The following HACE1 variants were observed in gnomAD, a reference collection of about 807,000 sequenced individuals.
HACE1 encodes the protein E3 ubiquitin-protein ligase HACE1.
HACE1 carries 73 observed loss-of-function variants against 118.4 expected under a neutral mutation model. The observed-to-expected ratio is 0.62, with a 90% confidence interval of 0.51 to 0.75. HACE1 has a LOEUF of 0.75. Ranked by LOEUF, HACE1 falls within the 30% of genes least tolerant of loss-of-function variation. The probability of loss-of-function intolerance (pLI) is 0.00; values close to 1 mark genes in which losing one functional copy is unlikely to be tolerated. For missense variants in HACE1, 749 were observed against 1,102.2 expected, an observed-to-expected ratio of 0.68 and a Z score of 4.54; for synonymous variants, 368 against 374.8, an observed-to-expected ratio of 0.98 and a Z score of 0.21.
At position 104,834,646 on chromosome 6, in the gene HACE1, A is replaced by G. The variant is rs146858910; in HGVS notation, c.403-1473T>C. On this transcript the variant is annotated intron_variant, in intron 5 of 23. Coordinates refer to ENST00000262903, the MANE Select transcript of HACE1 (RefSeq NM_020771.4). ...CTAGATCCATAAAGATACAGAGGAG[A>G]GAACAGCAAGTTTTGGAAGCAAAGA... Among the ~76,000 whole-genome samples the G allele has an allele frequency of 1.1e-3, 171 of 152,344 alleles. 1 individual carries two copies. The highest frequency in any genetic ancestry group is 3.9e-3 in the African/African-American group (164 of 41,582).
intron 4 of HACE1, among the ~76,000 whole-genome samples, chr6:104,844,229 G>T (rs1397391725): frequency 6.6e-6 from 1 of 151,916 alleles, no homozygotes; most frequent in East Asian, 1.9e-4. Flanking sequence ...TAGAAACGGG[G>T]TTTCACCATG....
intron 11 of HACE1, chr6:104,786,404 T>C: frequency 2.8e-5 from 1 of 35,112 alleles, no homozygotes; most frequent in Non-Finnish European, 7.7e-5. Context: ...AACACCTTTC[T>C]ATTAAAAAAA....
intron 5 of HACE1, among the ~76,000 whole-genome samples, chr6:104,833,976 T>TC (rs1774269760): frequency 6.6e-6 from 1 of 151,904 alleles, no homozygotes; most frequent in African/African-American, 2.4e-5. Context: ...ACAGTAAGAC[T>TC]CCGTCTCAAA....
intron 6 of HACE1, among the ~76,000 whole-genome samples, chr6:104,813,048 C>T (rs56165461): frequency 0.25 from 25,841 of 105,052 alleles, 6,201 homozygotes; most frequent in African/African-American, 0.31. Context: ...TAAGTGAAAA[C>T]CTCCAGCCTC....
In HACE1 at chr6:104,798,248, A is replaced by G. The variant is rs149162205; in HGVS notation, c.618-1223T>C. ...GCTTCTAGACCTATACTCTTTCCACAATAACATTACCTAAAGAGGCATGTC... is the reference window on the plus strand; with the variant it reads ...GCTTCTAGACCTATACTCTTTCCACGATAACATTACCTAAAGAGGCATGTC... On this transcript the variant is annotated intron_variant, in intron 7 of 23. Transcript: ENST00000262903. 6.0e-3 allele frequency among the ~76,000 whole-genome samples: 919 copies of G among 152,232 alleles called. 9 individuals are homozygous for G. Among genetic ancestry groups the G allele is most frequent in the African/African-American group, 0.021 (867 of 41,544 alleles).
At chr6:104,783,655 G>C in intron 14 of HACE1, among the ~76,000 whole-genome samples, 1 of 152,184 alleles carries the variant, frequency 6.6e-6, no homozygotes, top group East Asian at 1.9e-4. Context: ...AAGGTGGTCA[G>C]GTCAAATAAG....
At position 104,744,193 on chromosome 6, in the gene HACE1, T is replaced by A; in HGVS notation, c.2480A>T (p.Glu827Val). 6.2e-7 allele frequency: 1 copy of A among 1,604,454 alleles called. No individual in the cohort carries two copies. Among genetic ancestry groups the A allele is most frequent in the Non-Finnish European group, 8.5e-7 (1 of 1,171,812 alleles). Residue 827 changes from glutamate (E) to valine (V), a missense_variant, in exon 22 of 24, where the codon GAG (glutamate) becomes GTG (valine). By Grantham distance (121) the Glu-to-Val change is moderately radical. This residue lies in a region of HACE1 where 165 missense variants were observed against 229.9 expected (regional missense o/e 0.72). Coordinates refer to ENST00000262903, the MANE Select transcript of HACE1 (RefSeq NM_020771.4). The part of the protein sequence containing the change: ...WEVVEDITQE[E>V]RVLLLQFVTG... ...AACAAACTGTAAGAGAAGAACTCTC[T>A]CCTCTTGAGTAATGTCTTCTACAAC...
chr6:104,771,508 C>T (rs1185994861), intron 18 of HACE1, 119 bp from the exon 19 acceptor site: 1 of 656,736 alleles, frequency 1.5e-6, no homozygotes, highest in Non-Finnish European at 2.7e-6. Flanking sequence ...TACAATCCTA[C>T]ACACAGCATA....
chr6:104,743,596 A>G (rs1422117293), intron 22 of HACE1, among the ~76,000 whole-genome samples: 1 of 151,962 alleles, frequency 6.6e-6, no homozygotes, highest in Admixed American at 6.6e-5. Context: ...CAGAAATACA[A>G]GCTAAAAGAT....
chr6:104,797,934 A>G (rs1198601297), intron 7 of HACE1, among the ~76,000 whole-genome samples: 3 of 151,840 alleles, frequency 2.0e-5, no homozygotes, highest in African/African-American at 4.8e-5. Flanking sequence ...TGGGCATGGT[A>G]GCCGGTGCCT....
rs553562924 is a variant in HACE1, at chr6:104,836,875, T to C, written c.403-3702A>G. Among the ~76,000 whole-genome samples, 8 of 152,098 alleles carry C rather than the reference T, an allele frequency of 5.3e-5. No individual in the cohort carries two copies. In the South Asian group the frequency reaches 1.2e-3, roughly 24 times the overall value. On this transcript the variant is annotated intron_variant, in intron 5 of 23. Transcript: ENST00000262903. ...CATTTCCATCTGAACATGCATAAAC[T>C]CAAATTAAAAACACAAGGCCATTTA...
chr6:104,849,268 G>C (rs1237240316), intron 3 of HACE1, 22 bp from the exon 4 acceptor site: 4 of 1,334,806 alleles, frequency 3.0e-6, no homozygotes. Context: ...TTAAAAGACA[G>C]TTCAGATACA....
chr6:104,857,677 G>A (rs1310899403), intron 1 of HACE1, among the ~76,000 whole-genome samples: 1 of 151,476 alleles, frequency 6.6e-6, no homozygotes, highest in Non-Finnish European at 1.5e-5. Flanking sequence ...CATTTGGGGC[G>A]GGGCACGGTG....
chr6:104,737,219 G>T (rs1449421398), intron 22 of HACE1, among the ~76,000 whole-genome samples: 1 of 150,348 alleles, frequency 6.7e-6, no homozygotes, highest in Non-Finnish European at 1.5e-5. Flanking sequence ...TTGAACCCAG[G>T]GGGCGGAGGT....
At chr6:104,843,078 T>C in intron 5 of HACE1, 145 bp downstream of exon 5, 1 of 660,590 alleles carries the variant, frequency 1.5e-6, no homozygotes, top group Non-Finnish European at 2.8e-6. Flanking sequence ...ACCACCTCAC[T>C]CTAGCCTGAG....
intron 19 of HACE1, among the ~76,000 whole-genome samples, chr6:104,761,642 A>G (rs991930924): frequency 4.6e-5 from 7 of 152,156 alleles, no homozygotes; most frequent in Non-Finnish European, 1.0e-4. Context: ...GCATGGGCAA[A>G]GACTTCATGT....
intron 19 of HACE1, among the ~76,000 whole-genome samples, chr6:104,765,048 AT>A (rs1779831771): frequency 6.6e-6 from 1 of 152,226 alleles, no homozygotes. Flanking sequence ...ACAAAGTGTT[AT>A]ATTTATTCTT....
intron 1 of HACE1, among the ~76,000 whole-genome samples, chr6:104,857,736 TCACGAGGTCAGGCGATCGAGAC>T (rs1405446188): frequency 6.6e-6 from 1 of 150,818 alleles, no homozygotes; most frequent in Non-Finnish European, 1.5e-5. Context: ...GGCGGGCAGA[TCACGAGGTCAGGCGATCGAGAC>T]CATCCTAGCT....
intron 22 of HACE1, among the ~76,000 whole-genome samples, chr6:104,743,570 C>CT (rs1359745807): frequency 4.0e-5 from 6 of 151,722 alleles, no homozygotes; most frequent in African/African-American, 7.3e-5. Context: ...GAAAATCAGA[C>CT]TTTTTTTACA....
Sources: allele counts gnomAD v4.1 joint callset (sites outside exome capture counted in the v4.1 genomes callset), GRCh38; gene constraint gnomAD v4.1.1; regional missense constraint gnomAD v4.1.1; transcripts MANE v1.5; gene names NCBI Gene and HGNC (gene_info 2026-07-23, HGNC 2026-07-21).